Variants in VIPR1 observed in about 807,000 individuals in gnomAD.
VIPR1 encodes vasoactive intestinal polypeptide receptor 1.
Under a neutral mutation model 58.8 loss-of-function variants are expected in VIPR1, and 59 were observed. The observed-to-expected ratio is 1.00, with a 90% confidence interval of 0.81 to 1.25. VIPR1 has a LOEUF of 1.25. VIPR1 is among the 50% of genes most tolerant of loss of function. The pLI is 0.00. For synonymous variants in VIPR1, 251 were observed against 242.1 expected, an observed-to-expected ratio of 1.04 and a Z score of -0.34; for missense variants, 626 against 602.7, an observed-to-expected ratio of 1.04 and a Z score of -0.40.
Position 42,530,852 on chromosome 3 carries a change from G to T in VIPR1, c.710G>T (p.Gly237Val), listed in dbSNP as rs1445366788. The T allele has an allele frequency of 1.2e-6, 2 of 1,614,118 alleles. No individual in the cohort carries two copies. Among genetic ancestry groups the T allele is most frequent in the South Asian group, 2.2e-5 (2 of 91,084 alleles). ...AACTTCTTCTGGCTGCTGGTGGAGG[G>T]CCTCTACCTGTACACCCTGCTTGCC... ...MANFFWLLVEGLYLYTLLAVS... is the reference protein window; with the variant it reads ...MANFFWLLVEVLYLYTLLAVS... The change falls in exon 7 of 13, where the codon GGC (glycine) becomes GTC (valine). Residue 237 changes from glycine (G) to valine (V), a missense_variant. Gly to Val is a moderately radical substitution (Grantham distance 109). Transcript: ENST00000325123.
intron 1 of VIPR1, among the ~76,000 whole-genome samples, chr3:42,507,612 A>G (rs1470342801): frequency 6.6e-6 from 1 of 152,210 alleles, no homozygotes; most frequent in African/African-American, 2.4e-5. Context: ...TGCAAACTCC[A>G]GTTCCCTAGG....
rs1227837383 is a variant in VIPR1 at position 42,525,890 on chromosome 3, G to T, written c.296G>T (p.Arg99Leu). ...CTTGCCCCTGCCCTCCACCCAGGCCGCAATGTAAGCCGCAGCTGCACCGAC... is the reference window on the plus strand; with the variant it reads ...CTTGCCCCTGCCCTCCACCCAGGCCTCAATGTAAGCCGCAGCTGCACCGAC... Reference protein sequence around the residue: ...IFKLFSSIQGRNVSRSCTDEG... With the variant: ...IFKLFSSIQGLNVSRSCTDEG... Residue 99 changes from arginine to leucine, a missense_variant, in exon 4 of 13, where the codon CGC (arginine) becomes CTC (leucine). Arg to Leu is a moderately radical substitution (Grantham distance 102, BLOSUM62 -2). Transcript: ENST00000325123. The T allele has an allele frequency of 2.5e-6, 4 of 1,608,244 alleles. No homozygotes were observed. The highest frequency in any genetic ancestry group is 2.2e-5 in the East Asian group (1 of 44,650).
intron 3 of VIPR1, among the ~76,000 whole-genome samples, chr3:42,522,101 ATTTTTTTTT>A (rs1158302778): frequency 3.1e-4 from 11 of 35,368 alleles, no homozygotes; most frequent in African/African-American, 6.4e-4. Context: ...ATATATATAT[ATTTTTTTTT>A]TTTTTTTTTT....
chr3:42,527,742 C>T, intron 5 of VIPR1: 1 of 641,222 alleles, frequency 1.6e-6, no homozygotes, highest in Admixed American at 2.9e-5. Flanking sequence ...GAGAGTGGGG[C>T]CTGCACACAG....
intron 2 of VIPR1, chr3:42,516,667 C>T (rs1432529536): frequency 6.6e-6 from 1 of 152,222 alleles, no homozygotes; most frequent in Non-Finnish European, 1.5e-5. Context: ...GCCTACAAAA[C>T]AGGGCGTGCC....
Position 42,519,274 on chromosome 3 carries a change from G to T in VIPR1, c.236G>T (p.Gly79Val). ...ACCTGCTGGCCAGCCACCCCTCGGG[G>T]CCAGGTAGTTGTCTTGGCCTGTCCC... The part of the protein sequence containing the change: ...NLTCWPATPR[G>V]QVVVLACPLI... The change falls in exon 3 of 13, where the codon GGC becomes GTC. Residue 79 changes from glycine (G) to valine (V), a missense_variant. Coordinates refer to ENST00000325123, the MANE Select transcript of VIPR1 (RefSeq NM_004624.4). 1 of 1,611,184 alleles carries T rather than the reference G, an allele frequency of 6.2e-7. No individual in the cohort carries two copies. Among genetic ancestry groups the T allele is most frequent in the Non-Finnish European group, 8.5e-7 (1 of 1,178,766 alleles).
chr3:42,515,598 C>A (rs868257387), intron 2 of VIPR1, among the ~76,000 whole-genome samples: 5 of 152,258 alleles, frequency 3.3e-5, no homozygotes, highest in South Asian at 4.1e-4. Context: ...AACACCCTGT[C>A]ACCAGCAGCC....
chr3:42,492,081 T>TC (rs1186714451), intron 1 of VIPR1, among the ~76,000 whole-genome samples: 1 of 151,948 alleles, frequency 6.6e-6, no homozygotes, highest in Non-Finnish European at 1.5e-5. Flanking sequence ...TTCCCCTTCC[T>TC]CCCCTGGCTC....
intron 2 of VIPR1, 50 bp downstream of exon 2, chr3:42,513,904 G>T: frequency 6.6e-7 from 1 of 1,525,688 alleles, no homozygotes; most frequent in Non-Finnish European, 8.9e-7. Flanking sequence ...GGGAGCCCAA[G>T]ATTCCTCATG....
chr3:42,531,607 TG>T lies in VIPR1; in HGVS notation c.851+78del, dbSNP rs3216717. The T allele has an allele frequency of 1.5e-3, 2,347 of 1,576,586 alleles. 57 individuals carry two copies. The East Asian group carries it at 0.046, about 31-fold the overall frequency. On this transcript the variant is annotated intron_variant, in intron 8 of 12. Transcript: ENST00000325123. The stretch of plus-strand genomic sequence containing the variant: ...CCCTGGGTGGGATGATAATGCCATC[TG>T]GCCTTGGTGAGTGGACAAAAACCAC...
At chr3:42,527,550 C>T in intron 5 of VIPR1, 54 bp downstream of exon 5, 2 of 1,572,908 alleles carry the variant, frequency 1.3e-6, no homozygotes, top group Non-Finnish European at 8.7e-7. Context: ...AGTGTCCCTC[C>T]CACAGTGGAG....
Position 42,528,587 on chromosome 3 carries a change from T to G in VIPR1, c.636+464T>G, listed in dbSNP as rs186413251. The stretch of plus-strand genomic sequence containing the variant: ...CTACTCCCCCCGTCCCCGTGCCATC[T>G]GGAGTGGGTCCATACATATGCAGTC... On this transcript the variant is annotated intron_variant, in intron 6 of 12. Transcript: ENST00000325123. 541 of 188,556 alleles carry G rather than the reference T, an allele frequency of 2.9e-3. 3 individuals carry two copies. Among genetic ancestry groups the G allele is most frequent in the African/African-American group, 0.012 (519 of 43,536 alleles). 11.7% of individuals were successfully genotyped at this position (188,556 alleles called of 1,614,324 possible). A position where few individuals can be genotyped will look rare whatever the true frequency, so the allele number is the denominator to read the frequency against.
At position 42,530,721 on chromosome 3, in the gene VIPR1, G is replaced by T. The variant is rs1429255786; in HGVS notation, c.637-58G>T. On this transcript the variant is annotated intron_variant, in intron 6 of 12. Coordinates refer to ENST00000325123, the MANE Select transcript of VIPR1 (RefSeq NM_004624.4). ...GTTTGTCCCCCCAGACACGAGTGTG[G>T]GCAGTCAAGGACCCTTGACAGCCCC... 4 of 1,580,980 alleles carry T rather than the reference G, an allele frequency of 2.5e-6. No individual in the cohort carries two copies. In the African/African-American group the frequency reaches 5.4e-5, roughly 21 times the overall value.
chr3:42,533,348 T>A (rs1291746529), intron 10 of VIPR1: 1 of 149,880 alleles, frequency 6.7e-6, no homozygotes, highest in Non-Finnish European at 1.5e-5. Context: ...AAGACTCACA[T>A]TCCTGGTGTG....
intron 3 of VIPR1, among the ~76,000 whole-genome samples, chr3:42,524,434 C>A (rs1033197087): frequency 6.6e-6 from 1 of 152,208 alleles, no homozygotes; most frequent in East Asian, 1.9e-4. Context: ...CAGTCCAATG[C>A]CCCCTCCTCA....
upstream of VIPR1, among the ~76,000 whole-genome samples, chr3:42,499,669 G>A (rs1214898513): frequency 1.3e-5 from 2 of 152,186 alleles, no homozygotes; most frequent in African/African-American, 4.8e-5. Flanking sequence ...GGACTGGGAA[G>A]GCAAGGCAGA....
At chr3:42,530,025 CCCA>C in intron 6 of VIPR1, 1 of 152,392 alleles carries the variant, frequency 6.6e-6, no homozygotes, top group South Asian at 2.1e-4. Context: ...CCATCTGGGC[CCCA>C]CTCCACAGTC....
intron 10 of VIPR1, 161 bp from the exon 11 acceptor site, chr3:42,534,814 A>G: frequency 1.1e-6 from 1 of 906,930 alleles, no homozygotes; most frequent in Non-Finnish European, 1.6e-6. Context: ...GTGGAACAGG[A>G]GCAGACAAGG....
intron 4 of VIPR1, among the ~76,000 whole-genome samples, chr3:42,526,528 C>T (rs1701240911): frequency 1.3e-5 from 2 of 152,210 alleles, no homozygotes; most frequent in South Asian, 4.1e-4. Context: ...CAGCTAGGAG[C>T]CCCTCACTGC....
Sources: allele counts gnomAD v4.1 joint callset (sites outside exome capture counted in the v4.1 genomes callset), GRCh38; gene constraint gnomAD v4.1.1; transcripts MANE v1.5; gene names NCBI Gene and HGNC (gene_info 2026-07-23, HGNC 2026-07-21).